The following DPP6 variants were observed in gnomAD, a reference collection of about 807,000 sequenced individuals.
The protein encoded by DPP6 is A-type potassium channel modulatory protein DPP6.
A neutral mutation model predicts 122.6 loss-of-function variants in DPP6; 69 were observed. The observed-to-expected ratio is 0.56, with a 90% CI of 0.46 to 0.69. The LOEUF (loss-of-function observed/expected upper bound fraction) is 0.69, where lower values mean the gene tolerates loss of function less well. Among genes scored for constraint, DPP6 ranks in the 30% least tolerant of loss-of-function variants. The probability of loss-of-function intolerance (pLI) is 0.00; values close to 1 mark genes in which losing one functional copy is unlikely to be tolerated. For synonymous variants in DPP6, 418 were observed against 433.1 expected (o/e 0.97, Z 0.43); for missense variants, 928 against 1,116.9 (o/e 0.83, Z 2.41).
At chr7:153,922,639 T>C (rs1470507650) in intron 1 of DPP6, among the ~76,000 whole-genome samples, 1 of 152,220 alleles carries the variant, frequency 6.6e-6, no homozygotes, top group Non-Finnish European at 1.5e-5. Context: ...TGGTATACCA[T>C]ATTTTAATTG....
chr7:153,853,257 G>A, the DPP6 span, among the ~76,000 whole-genome samples: 2 of 152,180 alleles, frequency 1.3e-5, no homozygotes, highest in East Asian at 1.9e-4. Context: ...GCCTGTGCAC[G>A]TTTGATATCA....
rs987957199 is a variant in DPP6, at chr7:154,142,435, A to G, written c.243+89372A>G. On this transcript the variant is annotated intron_variant, in intron 1 of 25. Transcript: ENST00000377770. ...TTACTGTTTATAATACGTCCCCCCA[A>G]ATATGTGCAGAAGTGGAATGTGAAG... 5.9e-5 allele frequency among the ~76,000 whole-genome samples: 9 copies of G among 152,334 alleles called. No homozygotes were observed. The South Asian group carries it at 6.2e-4, about 11-fold the overall frequency.
At chr7:154,823,075 G>A (rs1461994291) in intron 16 of DPP6, among the ~76,000 whole-genome samples, 1 of 152,172 alleles carries the variant, frequency 6.6e-6, no homozygotes, top group African/African-American at 2.4e-5. Flanking sequence ...TGGAAAATAA[G>A]TTAATACACA....
intron 3 of DPP6, among the ~76,000 whole-genome samples, chr7:154,500,392 A>T (rs1825129486): frequency 6.6e-6 from 1 of 152,206 alleles, no homozygotes; most frequent in Non-Finnish European, 1.5e-5. Context: ...AGGAATAGTG[A>T]GAGATAAAGC....
chr7:154,659,631 A>C (rs939315204), intron 6 of DPP6, among the ~76,000 whole-genome samples: 2 of 152,236 alleles, frequency 1.3e-5, no homozygotes, highest in African/African-American at 4.8e-5. Flanking sequence ...TATTGCCTCA[A>C]GCCCTTTGCT....
intron 5 of DPP6, among the ~76,000 whole-genome samples, chr7:154,611,909 C>A (rs1833935371): frequency 6.6e-6 from 1 of 151,844 alleles, no homozygotes; most frequent in Non-Finnish European, 1.5e-5. Context: ...TCTGTGCAAT[C>A]TTATTATATG....
At position 154,594,142 on chromosome 7, in the gene DPP6, G is replaced by T. The variant is rs10250464; in HGVS notation, c.627+27226G>T. Reference sequence around the variant, plus strand: ...GTCCGGTCATTCTTATGGGTCCTCTGGTCTAGATGCCCCTCATGGAGGATC... The same window carrying T: ...GTCCGGTCATTCTTATGGGTCCTCTTGTCTAGATGCCCCTCATGGAGGATC... On this transcript the variant is annotated intron_variant, in intron 5 of 25. Transcript: ENST00000377770. Among the ~76,000 whole-genome samples, 1,219 of 152,244 alleles carry T rather than the reference G, an allele frequency of 8.0e-3. 20 individuals are homozygous for T. Among genetic ancestry groups the T allele is most frequent in the African/African-American group, 0.028 (1,158 of 41,526 alleles).
intron 1 of DPP6, among the ~76,000 whole-genome samples, chr7:154,036,014 G>GCA (rs1304211919): frequency 0.23 from 29,854 of 128,864 alleles, 3,635 homozygotes; most frequent in African/African-American, 0.38. Flanking sequence ...GATTACGCGC[G>GCA]CGCGCTTGTG....
At chr7:154,520,250 T>A (rs1231668377) in intron 3 of DPP6, among the ~76,000 whole-genome samples, 1 of 152,276 alleles carries the variant, frequency 6.6e-6, no homozygotes, top group Non-Finnish European at 1.5e-5. Flanking sequence ...AGAGGTGGAA[T>A]CTACACTGTA....
intron 1 of DPP6, among the ~76,000 whole-genome samples, chr7:153,945,522 G>A (rs1003877819): frequency 6.6e-6 from 1 of 152,250 alleles, no homozygotes; most frequent in African/African-American, 2.4e-5. Context: ...GAAGTTAGAA[G>A]GATAGAGGAA....
intron 6 of DPP6, among the ~76,000 whole-genome samples, chr7:154,661,142 G>A (rs1586832678): frequency 0.022 from 1 of 46 alleles, no homozygotes; most frequent in African/African-American, 0.25. Context: ...TCACCATGGC[G>A]TATTGGCCGT....
Position 154,090,296 on chromosome 7 carries a change from C to T in DPP6, c.243+37233C>T, listed in dbSNP as rs2533640. Among the ~76,000 whole-genome samples the T allele has an allele frequency of 7.9e-5, 12 of 152,282 alleles. 1 individual carries two copies. The highest frequency in any genetic ancestry group is 7.2e-5 in the African/African-American group (3 of 41,570). On this transcript the variant is annotated intron_variant, in intron 1 of 25. Transcript: ENST00000377770. Reference sequence around the variant, plus strand: ...TGCTATCCCCCGACCTGCAAATTCACACAATGAGCCAACTGGCCACATGCT... The same window carrying T: ...TGCTATCCCCCGACCTGCAAATTCATACAATGAGCCAACTGGCCACATGCT...
intron 1 of DPP6, among the ~76,000 whole-genome samples, chr7:154,128,800 G>T (rs1293895888): frequency 1.3e-5 from 2 of 149,926 alleles, no homozygotes; most frequent in African/African-American, 2.4e-5. Context: ...TCTTAGCAGG[G>T]ACTCAAATCT....
chr7:154,575,996 C>T (rs1234800756), intron 5 of DPP6, among the ~76,000 whole-genome samples: 2 of 152,028 alleles, frequency 1.3e-5, no homozygotes, highest in Admixed American at 6.6e-5. Context: ...TTGCACACAT[C>T]CCCAGACAGG....
intron 1 of DPP6, among the ~76,000 whole-genome samples, chr7:153,949,198 G>C (rs990568676): frequency 7.2e-5 from 11 of 152,178 alleles, no homozygotes; most frequent in African/African-American, 2.4e-4. Context: ...TGGATGTCTG[G>C]AAGTGCAGCT....
In DPP6 at chr7:153,918,485, CTCTCTT is replaced by C. The variant is rs1468571979; in HGVS notation, c.51+30753_51+30758del. ...ACACACACTCTCTCTCTCTCTCTCT[CTCTCTT>C]TTTCTGCCAAGGCAAAAAGAAGAGG... On this transcript the variant is annotated intron_variant, in intron 1 of 25. Transcript: ENST00000404039. Among the ~76,000 whole-genome samples the C allele has an allele frequency of 2.3e-3, 302 of 132,640 alleles. 2 individuals are homozygous for C. The highest frequency in any genetic ancestry group is 8.3e-3 in the African/African-American group (288 of 34,758). 87.0% of individuals were successfully genotyped at this position (132,640 alleles called of 152,430 possible).
At chr7:154,128,969 T>C (rs553346083) in intron 1 of DPP6, among the ~76,000 whole-genome samples, 1,563 of 152,120 alleles carry the variant, frequency 0.01, 6 homozygotes, top group Non-Finnish European at 0.014. Context: ...GAAAAGGGAA[T>C]GGTGAGTACT....
At chr7:154,082,182 G>A (rs545207528) in intron 1 of DPP6, among the ~76,000 whole-genome samples, 7 of 152,162 alleles carry the variant, frequency 4.6e-5, no homozygotes, top group South Asian at 2.1e-4. Context: ...TTTGGCCCTC[G>A]ACCATGGCTG....
At chr7:153,966,282 CGTGTTCATGTTTGTGCAT>C (rs1424453217) in intron 1 of DPP6, among the ~76,000 whole-genome samples, 1 of 151,318 alleles carries the variant, frequency 6.6e-6, no homozygotes, top group Admixed American at 6.6e-5. Flanking sequence ...TGTTTGTGCA[CGTGTTCATGTTTGTGCAT>C]GTGTTCATGT....
Sources: gnomAD v4.1 joint callset for allele counts (sites outside exome capture counted in the v4.1 genomes callset) on GRCh38, gnomAD v4.1.1 for gene constraint, MANE v1.5 for transcripts, NCBI Gene and HGNC (gene_info 2026-07-23, HGNC 2026-07-21) for gene names.